Variants in BTBD10 observed in about 807,000 individuals in gnomAD.
BTBD10 encodes the protein BTB domain containing 10.
Under a neutral mutation model 53.2 loss-of-function variants are expected in BTBD10, and 21 were observed. The observed-to-expected ratio is 0.39, with a 90% CI of 0.28 to 0.57. BTBD10 has a LOEUF of 0.57. BTBD10 is among the 20% of genes least tolerant of loss of function. The probability of loss-of-function intolerance (pLI) is 0.53; values close to 1 mark genes in which losing one functional copy is unlikely to be tolerated. For synonymous variants in BTBD10, 149 were observed against 192.7 expected (o/e 0.77, Z 1.88); for missense variants, 360 against 594.7 (o/e 0.61, Z 4.10).
chr11:13,439,866 T>C lies in BTBD10; in HGVS notation c.101+5158A>G, dbSNP rs1393418268. On this transcript the variant is annotated intron_variant, in intron 2 of 8. Coordinates refer to ENST00000278174, the MANE Select transcript of BTBD10 (RefSeq NM_032320.7). Reference sequence around the variant, plus strand: ...ATAATTATAACCCAGAGATATCATGTAATAAATGAATACACACCTTCCTTT... The same window carrying C: ...ATAATTATAACCCAGAGATATCATGCAATAAATGAATACACACCTTCCTTT... 9 of 1,503,504 alleles carry C rather than the reference T, an allele frequency of 6.0e-6. No homozygotes were observed. The Admixed American group carries it at 6.4e-5, about 11-fold the overall frequency. The allele number at this position is 1,503,504 out of a possible 1,614,324, so 93.1% of individuals were successfully genotyped here.
chr11:13,395,211 C>T (rs1331905759), intron 8 of BTBD10, among the ~76,000 whole-genome samples: 5 of 151,190 alleles, frequency 3.3e-5, no homozygotes, highest in Non-Finnish European at 7.4e-5. Flanking sequence ...CCTGTTGTTT[C>T]CTGACTTTTT....
intron 8 of BTBD10, among the ~76,000 whole-genome samples, chr11:13,395,632 G>A (rs1016544212): frequency 6.6e-6 from 1 of 152,120 alleles, no homozygotes; most frequent in Non-Finnish European, 1.5e-5. Context: ...GTCCTGATTG[G>A]TATTGCCTAG....
rs185447547 is a variant in BTBD10 at position 13,421,137 on chromosome 11, T to C, written c.298+505A>G. Among the ~76,000 whole-genome samples, 459 of 152,288 alleles carry C rather than the reference T, an allele frequency of 3.0e-3. 4 individuals are homozygous for C. Among genetic ancestry groups the C allele is most frequent in the Middle Eastern group, 0.01 (3 of 294 alleles). ...TGTTCACCTGGGGTACTAATGTTCATTTATAATACTGAGTAGGAAGGAAGG... is the reference window on the plus strand; with the variant it reads ...TGTTCACCTGGGGTACTAATGTTCACTTATAATACTGAGTAGGAAGGAAGG... On this transcript the variant is annotated intron_variant, in intron 3 of 8. Coordinates refer to ENST00000278174, the MANE Select transcript of BTBD10 (RefSeq NM_032320.7).
At chr11:13,420,850 A>C (rs2133969376) in intron 3 of BTBD10, among the ~76,000 whole-genome samples, 1 of 152,304 alleles carries the variant, frequency 6.6e-6, no homozygotes, top group East Asian at 1.9e-4. Context: ...GCATGTAACA[A>C]ACTGTCAACT....
At chr11:13,456,300 T>A (rs965733962) in intron 1 of BTBD10, among the ~76,000 whole-genome samples, 16 of 152,120 alleles carry the variant, frequency 1.1e-4, no homozygotes, top group Admixed American at 5.9e-4. Flanking sequence ...AGAACTTCAA[T>A]ATATGATGAA....
chr11:13,445,464 C>T (rs1347907116), intron 1 of BTBD10, among the ~76,000 whole-genome samples: 1 of 152,038 alleles, frequency 6.6e-6, no homozygotes, highest in East Asian at 1.9e-4. Flanking sequence ...TGTATAGGTA[C>T]CTCATGTATC....
At chr11:13,403,385 T>C (rs1476189126) in intron 7 of BTBD10, 107 bp from the exon 8 acceptor site, 5 of 552,580 alleles carry the variant, frequency 9.0e-6, no homozygotes, top group African/African-American at 2.0e-5. Context: ...AAAGCCCAAA[T>C]AATGGATGCA....
chr11:13,443,567 T>A (rs1374821857), intron 2 of BTBD10, among the ~76,000 whole-genome samples: 2 of 151,792 alleles, frequency 1.3e-5, no homozygotes, highest in African/African-American at 2.4e-5. Flanking sequence ...TAGATATAAA[T>A]ACAGCCCCAC....
At chr11:13,425,374 G>A (rs1950316392) in intron 2 of BTBD10, among the ~76,000 whole-genome samples, 1 of 151,954 alleles carries the variant, frequency 6.6e-6, no homozygotes, top group Non-Finnish European at 1.5e-5. Flanking sequence ...ATATTTATAA[G>A]AAATATCAAA....
At chr11:13,460,291 C>G (rs1402836441) in intron 1 of BTBD10, among the ~76,000 whole-genome samples, 1 of 152,122 alleles carries the variant, frequency 6.6e-6, no homozygotes, top group African/African-American at 2.4e-5. Flanking sequence ...CAAATGGGTA[C>G]TTAATCATTT....
intron 2 of BTBD10, among the ~76,000 whole-genome samples, chr11:13,434,874 T>C (rs1950519484): frequency 6.6e-6 from 1 of 152,194 alleles, no homozygotes; most frequent in Non-Finnish European, 1.5e-5. Context: ...GGATGAAATG[T>C]AGGAGGTGAG....
intron 8 of BTBD10, among the ~76,000 whole-genome samples, chr11:13,395,419 A>G (rs896125004): frequency 3.3e-5 from 5 of 151,926 alleles, no homozygotes; most frequent in African/African-American, 9.7e-5. Context: ...GTTTGAGTTC[A>G]TTGTAGATTC....
Position 13,395,896 on chromosome 11 carries a change from G to A in BTBD10, c.1118-6755C>T, listed in dbSNP as rs370614153. On this transcript the variant is annotated intron_variant, in intron 8 of 8. Coordinates refer to ENST00000278174, the MANE Select transcript of BTBD10 (RefSeq NM_032320.7). Reference sequence around the variant, plus strand: ...GGGCTCTGTTCTGTTCCATTGGTCTGTATCTCTGTTTTGGTACCAGTACCA... The same window carrying A: ...GGGCTCTGTTCTGTTCCATTGGTCTATATCTCTGTTTTGGTACCAGTACCA... 9.9e-5 allele frequency among the ~76,000 whole-genome samples: 15 copies of A among 152,200 alleles called. No homozygotes were observed. The South Asian group carries it at 2.5e-3, about 25-fold the overall frequency.
At chr11:13,456,806 A>C (rs1384310307) in intron 1 of BTBD10, among the ~76,000 whole-genome samples, 1 of 152,170 alleles carries the variant, frequency 6.6e-6, no homozygotes, top group Non-Finnish European at 1.5e-5. Context: ...TTTTGGCCAT[A>C]TACTCTGTTG....
chr11:13,429,639 C>T (rs1218408640), intron 2 of BTBD10, among the ~76,000 whole-genome samples: 1 of 151,288 alleles, frequency 6.6e-6, no homozygotes, highest in Admixed American at 6.6e-5. Context: ...GAACTCTGTG[C>T]AATAGTTCCC....
intron 1 of BTBD10, among the ~76,000 whole-genome samples, chr11:13,460,331 CCTAA>C (rs1374285765): frequency 6.6e-6 from 1 of 152,138 alleles, no homozygotes; most frequent in Non-Finnish European, 1.5e-5. Context: ...CTCTCCCTTA[CCTAA>C]CTTCCTCTCT....
At chr11:13,403,630 A>C (rs1010553850) in intron 7 of BTBD10, among the ~76,000 whole-genome samples, 5 of 152,204 alleles carry the variant, frequency 3.3e-5, no homozygotes, top group African/African-American at 9.6e-5. Flanking sequence ...CATCATTATC[A>C]AGCAAAGTAA....
At chr11:13,401,163 A>T (rs999381396) in intron 8 of BTBD10, among the ~76,000 whole-genome samples, 8 of 150,736 alleles carry the variant, frequency 5.3e-5, no homozygotes. Flanking sequence ...ACACACACAC[A>T]TATAATGTAC....
chr11:13,440,366 G>A (rs1950623326), intron 2 of BTBD10: 3 of 1,009,894 alleles, frequency 3.0e-6, no homozygotes, highest in Non-Finnish European at 3.6e-6. Flanking sequence ...CAGGAGTTGA[G>A]GGCTTAGAGA....
Sources: allele counts gnomAD v4.1 joint callset (sites outside exome capture counted in the v4.1 genomes callset), GRCh38; gene constraint gnomAD v4.1.1; transcripts MANE v1.5; gene names NCBI Gene and HGNC (gene_info 2026-07-23, HGNC 2026-07-21).